Variants in PCDHA12 observed in about 807,000 individuals in gnomAD.
PCDHA12 encodes protocadherin alpha-12.
In PCDHA12, 44 loss-of-function variants were observed where a neutral mutation model predicts 60.0. The ratio of observed to expected loss-of-function variants is 0.73; its 90% CI spans 0.58 to 0.94. PCDHA12 has a LOEUF of 0.94. Among genes scored for constraint, PCDHA12 ranks in the 40% least tolerant of loss-of-function variants. The probability of loss-of-function intolerance (pLI) is 0.00; values close to 1 mark genes in which losing one functional copy is unlikely to be tolerated. For missense variants in PCDHA12, 1,276 were observed against 1,239.7 expected (o/e 1.03, Z -0.44); for synonymous variants, 569 against 553.0 (o/e 1.03, Z -0.40).
intron 1 of PCDHA12, chr5:140,882,401 G>A (rs899488409): frequency 4.0e-5 from 65 of 1,614,046 alleles, no homozygotes; most frequent in Non-Finnish European, 5.3e-5. Context: ...CGGCACCTTC[G>A]TGGGCCGCAT....
At chr5:140,941,698 T>C (rs2093148440) in intron 1 of PCDHA12, among the ~76,000 whole-genome samples, 1 of 152,186 alleles carries the variant, frequency 6.6e-6, no homozygotes, top group African/African-American at 2.4e-5. Flanking sequence ...TCTTTGGGCT[T>C]AGCTTTCCTC....
chr5:140,877,057 G>C lies in PCDHA12; in HGVS notation c.1585G>C (p.Glu529Gln). Residue 529 changes from glutamate (E) to glutamine (Q), a missense_variant, in exon 1 of 4, where the codon GAG (glutamate) becomes CAG (glutamine). Transcript: ENST00000398631. ...ALQPLDHEEL[E>Q]LLQFQVSARD... ...GCAGCCGCTAGACCACGAGGAGCTG[G>C]AGCTGCTGCAGTTCCAGGTGAGCGC... The C allele has an allele frequency of 6.2e-7, 1 of 1,612,862 alleles. No individual in the cohort carries two copies.
Position 140,876,086 on chromosome 5 carries a change from C to G in PCDHA12, c.614C>G (p.Thr205Arg), listed in dbSNP as rs371336139. 7 of 1,613,778 alleles carry G rather than the reference C, an allele frequency of 4.3e-6. No homozygotes were observed. The highest frequency in any genetic ancestry group is 1.7e-6 in the Non-Finnish European group (2 of 1,179,896). ...CGGAAGTTATTGGACAGAGAGCAAA[C>G]GCCAAAACTCAATTTATTGCTGATG... ...VLRKLLDREQ[T>R]PKLNLLLMVI... is the part of the protein sequence containing the mutation. The change falls in exon 1 of 4, where the codon ACG (threonine) becomes AGG (arginine). Residue 205 changes from threonine (T) to arginine (R), a missense_variant. Coordinates refer to ENST00000398631, the MANE Select transcript of PCDHA12 (RefSeq NM_018903.4).
At chr5:140,921,681 C>T (rs1554200353) in intron 1 of PCDHA12, among the ~76,000 whole-genome samples, 1 of 152,136 alleles carries the variant, frequency 6.6e-6, no homozygotes, top group East Asian at 1.9e-4. Context: ...TATCATCAAA[C>T]ACTGGCCACC....
chr5:140,898,671 G>A lies in PCDHA12; in HGVS notation c.2367+20832G>A, dbSNP rs1419362877. 2.2e-4 allele frequency among the ~76,000 whole-genome samples: 33 copies of A among 152,200 alleles called. No homozygotes were observed. The East Asian group carries it at 2.3e-3, about 11-fold the overall frequency. On this transcript the variant is annotated intron_variant, in intron 1 of 3. Transcript: ENST00000398631. ...TGGCTTAGGATTGACTTGGTGTTGCGGGCTGTTTTTTGGTTCCATATGAAC... is the reference window on the plus strand; with the variant it reads ...TGGCTTAGGATTGACTTGGTGTTGCAGGCTGTTTTTTGGTTCCATATGAAC...
chr5:141,010,232 A>C lies in PCDHA12; in HGVS notation c.*295A>C. The C allele has an allele frequency of 1.3e-6, 2 of 1,551,952 alleles. No individual in the cohort carries two copies. The highest frequency in any genetic ancestry group is 1.7e-6 in the Non-Finnish European group (2 of 1,147,050). The stretch of plus-strand genomic sequence containing the variant: ...AAAGGAGAGGCTTCCCAGCCCCGCC[A>C]GTGAGAGGTTGGACTCTCTGCCCTG... On this transcript the variant is annotated 3_prime_UTR_variant, in exon 4 of 4. Coordinates refer to ENST00000398631, the MANE Select transcript of PCDHA12 (RefSeq NM_018903.4).
At chr5:140,981,643 G>A (rs998815671) in intron 2 of PCDHA12, among the ~76,000 whole-genome samples, 3 of 151,992 alleles carry the variant, frequency 2.0e-5, no homozygotes, top group African/African-American at 7.3e-5. Context: ...TTTTCTCTTA[G>A]GATCCCACTT....
intron 1 of PCDHA12, among the ~76,000 whole-genome samples, chr5:140,904,604 T>C (rs1010462159): frequency 2.0e-5 from 3 of 152,094 alleles, no homozygotes; most frequent in Non-Finnish European, 1.5e-5. Flanking sequence ...CTGGATCAAA[T>C]AGTAGTTTTA....
At chr5:140,973,833 T>C (rs1332537198) in intron 1 of PCDHA12, among the ~76,000 whole-genome samples, 1 of 152,242 alleles carries the variant, frequency 6.6e-6, no homozygotes, top group Non-Finnish European at 1.5e-5. Context: ...TCTGGGTACT[T>C]GCTTGTTGCC....
intron 1 of PCDHA12, among the ~76,000 whole-genome samples, chr5:140,881,754 A>G (rs1554172477): frequency 6.6e-6 from 1 of 152,212 alleles, no homozygotes; most frequent in African/African-American, 2.4e-5. Context: ...CAGTACCACA[A>G]AAACCTACAT....
At chr5:140,989,644 T>C (rs1284720942) in intron 3 of PCDHA12, among the ~76,000 whole-genome samples, 3 of 152,232 alleles carry the variant, frequency 2.0e-5, no homozygotes, top group Non-Finnish European at 4.4e-5. Flanking sequence ...GGGTCTTTCA[T>C]GGCAATATTT....
At chr5:141,005,718 A>T (rs1554260304) in intron 3 of PCDHA12, among the ~76,000 whole-genome samples, 1 of 149,548 alleles carries the variant, frequency 6.7e-6, no homozygotes, top group Non-Finnish European at 1.5e-5. Context: ...AAAAAAAAAA[A>T]AAAAAAAAAA....
At chr5:140,905,669 A>G (rs781948009) in intron 1 of PCDHA12, among the ~76,000 whole-genome samples, 11 of 152,228 alleles carry the variant, frequency 7.2e-5, no homozygotes, top group Admixed American at 2.0e-4. Flanking sequence ...ATCCATTAAC[A>G]TGGAACATAT....
intron 1 of PCDHA12, among the ~76,000 whole-genome samples, chr5:140,908,540 G>T (rs1562965244): frequency 6.6e-6 from 1 of 152,150 alleles, no homozygotes; most frequent in African/African-American, 2.4e-5. Flanking sequence ...TTCCACCAAA[G>T]CCCAGTAATA....
At chr5:140,926,118 G>C (rs927468824) in intron 1 of PCDHA12, among the ~76,000 whole-genome samples, 3 of 152,174 alleles carry the variant, frequency 2.0e-5, no homozygotes, top group African/African-American at 7.2e-5. Flanking sequence ...GTGCAGGACA[G>C]ACTTCAACCC....
chr5:140,925,836 C>G (rs2082758211), intron 1 of PCDHA12, among the ~76,000 whole-genome samples: 1 of 152,104 alleles, frequency 6.6e-6, no homozygotes, highest in African/African-American at 2.4e-5. Context: ...GACGGGTCGT[C>G]AAGTCTTTGA....
At chr5:140,980,722 A>G (rs1318137295) in intron 2 of PCDHA12, among the ~76,000 whole-genome samples, 1 of 152,356 alleles carries the variant, frequency 6.6e-6, no homozygotes, top group South Asian at 2.1e-4. Context: ...TCGGGTTTCA[A>G]TTAAGATATT....
intron 1 of PCDHA12, chr5:140,928,160 C>T (rs782224079): frequency 1.2e-6 from 2 of 1,614,094 alleles, no homozygotes; most frequent in Non-Finnish European, 1.7e-6. Context: ...AGTGGCTCAC[C>T]CCCACTTAGC....
chr5:140,909,061 A>G (rs2074290709), intron 1 of PCDHA12, among the ~76,000 whole-genome samples: 2 of 152,188 alleles, frequency 1.3e-5, no homozygotes, highest in African/African-American at 4.8e-5. Context: ...CAAATGTCTC[A>G]CCAATAAGCC....
Sources: allele counts gnomAD v4.1 joint callset (sites outside exome capture counted in the v4.1 genomes callset), GRCh38; gene constraint gnomAD v4.1.1; transcripts MANE v1.5; gene names NCBI Gene and HGNC (gene_info 2026-07-23, HGNC 2026-07-21).